The following STOML1 variants were observed in gnomAD, a reference collection of about 807,000 sequenced individuals.
The protein encoded by STOML1 is stomatin like 1.
In STOML1, 27 loss-of-function variants were observed where a neutral mutation model predicts 35.7. That is an observed-to-expected ratio of 0.76 (90% CI 0.56 to 1.04). The LOEUF (loss-of-function observed/expected upper bound fraction) is 1.04, where lower values mean the gene tolerates loss of function less well. Among genes scored for constraint, STOML1 ranks in the 50% least tolerant of loss-of-function variants. The probability of loss-of-function intolerance (pLI) is 0.00; values close to 1 mark genes in which losing one functional copy is unlikely to be tolerated. For missense variants in STOML1, 451 were observed against 527.1 expected, an observed-to-expected ratio of 0.86 and a Z score of 1.41; for synonymous variants, 219 against 227.9, an observed-to-expected ratio of 0.96 and a Z score of 0.35.
chr15:73,983,810 T>C lies in STOML1; in HGVS notation c.*127A>G. Reference sequence around the variant, plus strand: ...TCCTGCAGCCTCCATTCATGGGCTCTTGGCTGGGCCTGAAATTTGTTAGGG... The same window carrying C: ...TCCTGCAGCCTCCATTCATGGGCTCCTGGCTGGGCCTGAAATTTGTTAGGG... On this transcript the variant is annotated 3_prime_UTR_variant, in exon 7 of 7. Transcript: ENST00000541638. 8.8e-7 allele frequency: 1 copy of C among 1,135,776 alleles called. No individual in the cohort carries two copies. The highest frequency in any genetic ancestry group is 1.2e-6 in the Non-Finnish European group (1 of 814,020). 70.4% of individuals were successfully genotyped at this position (1,135,776 alleles called of 1,614,324 possible).
At chr15:73,985,201 T>G in intron 5 of STOML1, 117 bp downstream of exon 5, 2 of 1,246,406 alleles carry the variant, frequency 1.6e-6, no homozygotes, top group Non-Finnish European at 2.2e-6. Flanking sequence ...CTGTGGTCAG[T>G]GTGGGCTGAA....
Position 73,984,018 on chromosome 15 carries a change from G to A in STOML1, c.1116C>T (p.Ala372=). ...LLCRELRPLG[A]YMSGRLKVKG... ...TCACCTTCAGCCGTCCACTCATGTA[G>A]GCCCCCAGGGGCCGCAGCTCTCTGC... The change falls in exon 7 of 7, where the codon GCC becomes GCT. Residue 372 remains alanine, a synonymous_variant. Coordinates refer to ENST00000541638, the MANE Select transcript of STOML1 (RefSeq NM_004809.5). 6.2e-7 allele frequency: 1 copy of A among 1,614,066 alleles called. No individual in the cohort carries two copies. Among genetic ancestry groups the A allele is most frequent in the East Asian group, 2.2e-5 (1 of 44,884 alleles).
chr15:73,993,231 G>T (rs2069340598), upstream of STOML1, among the ~76,000 whole-genome samples: 3 of 152,314 alleles, frequency 2.0e-5, no homozygotes, highest in South Asian at 6.2e-4. Context: ...CTTGATCCAG[G>T]TACCTGGAAT....
At chr15:73,990,178 A>G in intron 2 of STOML1, 173 bp downstream of exon 2, 1 of 632,882 alleles carries the variant, frequency 1.6e-6, no homozygotes, top group Non-Finnish European at 2.8e-6. Flanking sequence ...AGACAAGCCC[A>G]AGCCTTAGTT....
intron 1 of STOML1, chr15:73,990,719 C>A: frequency 7.7e-7 from 1 of 1,305,112 alleles, no homozygotes; most frequent in Non-Finnish European, 1.1e-6. Context: ...AGGCAACAGC[C>A]ATTCAATCTC....
At position 73,982,022 on chromosome 15, in the gene STOML1, T is replaced by G. The variant is rs1039523857; in HGVS notation, c.*1915A>C. 1 of 152,318 alleles carries G rather than the reference T, an allele frequency of 6.6e-6. No homozygotes were observed. The highest frequency in any genetic ancestry group is 1.5e-5 in the Non-Finnish European group (1 of 68,104). The allele number at this position is 152,318 out of a possible 1,614,324, so 9.4% of individuals were successfully genotyped here. On this transcript the variant is annotated 3_prime_UTR_variant, in exon 7 of 7. Coordinates refer to ENST00000541638, the MANE Select transcript of STOML1 (RefSeq NM_004809.5). ...CCCTAAGTTGTGATCTCATTTTTCC[T>G]GTCTTCCCTACCCTCCAGCCCTACC... is the stretch of plus-strand genomic sequence containing the variant.
Position 73,992,263 on chromosome 15 carries a change from G to C in STOML1, c.-40C>G. The stretch of plus-strand genomic sequence containing the variant: ...GACACGCCCCGCGCCTCCGCGCGGC[G>C]CCCTCCCTGGCCAGTGGGCCCTACG... On this transcript the variant is annotated 5_prime_UTR_variant, in exon 1 of 7. Transcript: ENST00000541638. 1.3e-6 allele frequency: 2 copies of C among 1,564,420 alleles called. No homozygotes were observed. The highest frequency in any genetic ancestry group is 1.7e-6 in the Non-Finnish European group (2 of 1,161,482).
upstream of STOML1, among the ~76,000 whole-genome samples, chr15:73,993,774 CT>C (rs985816144): frequency 5.9e-5 from 9 of 152,202 alleles, no homozygotes; most frequent in African/African-American, 1.9e-4. Context: ...AACTGTGCCC[CT>C]TTCCCCTTAC....
intron 1 of STOML1, 63 bp downstream of exon 1, chr15:73,992,028 G>C: frequency 6.7e-7 from 1 of 1,489,966 alleles, no homozygotes; most frequent in Admixed American, 2.5e-5. Context: ...CGGAGGCAGA[G>C]ATTCGGGCCT....
intron 2 of STOML1, 38 bp downstream of exon 2, chr15:73,990,313 G>C (rs1182941832): frequency 5.0e-6 from 8 of 1,592,546 alleles, no homozygotes; most frequent in Non-Finnish European, 6.9e-6. Context: ...CTCTCAGTGT[G>C]GCCCAACCAC....
chr15:73,985,375 G>A lies in STOML1; in HGVS notation c.733C>T (p.His245Tyr). The change falls in exon 5 of 7, where the codon CAC (histidine) becomes TAC (tyrosine). Residue 245 changes from histidine (H) to tyrosine (Y), a missense_variant. By Grantham distance (83) the His-to-Tyr change is moderately conservative (BLOSUM62 2). Transcript: ENST00000541638. ...LDSTLQQLAL[H>Y]FLGGSMNSMA... ...GAGTTCATGCTTCCTCCCAGGAAGT[G>A]CAGGGCCAGCTGCTGGAGGGTGCTG... The A allele has an allele frequency of 6.4e-7, 1 of 1,559,578 alleles. No individual in the cohort carries two copies. Among genetic ancestry groups the A allele is most frequent in the African/African-American group, 1.4e-5 (1 of 71,702 alleles).
Position 73,985,490 on chromosome 15 carries a change from C to G in STOML1, c.618G>C (p.Arg206Ser), listed in dbSNP as rs747887391. 2.6e-6 allele frequency: 4 copies of G among 1,543,078 alleles called. No homozygotes were observed. In the South Asian group the frequency reaches 3.6e-5, roughly 14 times the overall value. ...QLLLEINDVT[R>S]AWGLEVDRVE... ...CGCGGTCTACCTCCAGCCCCCAGGC[C>G]CTGGTCACATCGTTGATCTCCAGCT... is the stretch of plus-strand genomic sequence containing the variant. Residue 206 changes from arginine (R) to serine (S), a missense_variant, in exon 5 of 7, where the codon AGG becomes AGC. Physicochemically the swap from Arg to Ser is moderately radical, Grantham distance 110 (BLOSUM62 -1). Coordinates refer to ENST00000541638, the MANE Select transcript of STOML1 (RefSeq NM_004809.5).
rs554691276 is a variant in STOML1, at chr15:73,992,023, G to A, written c.133+68C>T. 6.7e-6 allele frequency: 10 copies of A among 1,481,748 alleles called. No homozygotes were observed. The East Asian group carries it at 2.6e-4, about 38-fold the overall frequency. 91.8% of individuals were successfully genotyped at this position (1,481,748 alleles called of 1,614,324 possible). A position where few individuals can be genotyped will look rare whatever the true frequency, so the allele number is the denominator to read the frequency against. On this transcript the variant is annotated intron_variant, in intron 1 of 6. Coordinates refer to ENST00000541638, the MANE Select transcript of STOML1 (RefSeq NM_004809.5). ...CACCGGGCCGGCCGACTCCTCGGAG[G>A]CAGAGATTCGGGCCTGGGGGTTGCC... is the stretch of plus-strand genomic sequence containing the variant.
chr15:73,985,526 G>A lies in STOML1; in HGVS notation c.595-13C>T. 1 of 1,537,570 alleles carries A rather than the reference G, an allele frequency of 6.5e-7. No homozygotes were observed. The highest frequency in any genetic ancestry group is 8.8e-7 in the Non-Finnish European group (1 of 1,142,056). ...CGTTGATCTCCAGCTGGAGGACAGT[G>A]TGAGGAGAAATGTAATTAATTCAAC... On this transcript the variant is annotated splice_polypyrimidine_tract_variant and intron_variant, in intron 4 of 6. Transcript: ENST00000541638.
In STOML1 at chr15:73,979,072, G is replaced by A. The variant is rs1357508264; in HGVS notation, c.*4865C>T. On this transcript the variant is annotated 3_prime_UTR_variant, in exon 7 of 7. Coordinates refer to ENST00000541638, the MANE Select transcript of STOML1 (RefSeq NM_004809.5). Reference sequence around the variant, plus strand: ...AAACTACAGATACACAGAATAACATGTATTACTCTCAAAACCATTACAGTG... The same window carrying A: ...AAACTACAGATACACAGAATAACATATATTACTCTCAAAACCATTACAGTG... 1 of 152,138 alleles carries A rather than the reference G, an allele frequency of 6.6e-6. No individual in the cohort carries two copies. The highest frequency in any genetic ancestry group is 1.9e-4 in the East Asian group (1 of 5,198). 9.4% of individuals were successfully genotyped at this position (152,138 alleles called of 1,614,324 possible).
rs1391078623 is a variant in STOML1, at chr15:73,981,423, C to A, written c.*2514G>T. ...ATATATTAATATATTAACTAGGATA[C>A]TTAAACTATTATCATTATTCACCAG... On this transcript the variant is annotated 3_prime_UTR_variant, in exon 7 of 7. Coordinates refer to ENST00000541638, the MANE Select transcript of STOML1 (RefSeq NM_004809.5). 1.3e-5 allele frequency: 2 copies of A among 152,062 alleles called. No individual in the cohort carries two copies. The highest frequency in any genetic ancestry group is 2.9e-5 in the Non-Finnish European group (2 of 68,022). The allele number at this position is 152,062 out of a possible 1,614,324, so 9.4% of individuals were successfully genotyped here. A position where few individuals can be genotyped will look rare whatever the true frequency, so the allele number is the denominator to read the frequency against.
intron 1 of STOML1, chr15:73,991,851 T>G: frequency 1.6e-6 from 1 of 631,762 alleles, no homozygotes; most frequent in Non-Finnish European, 2.7e-6. Flanking sequence ...AGGTGAGGTT[T>G]TGGAAGATAG....
rs1427251212 is a variant in STOML1, at chr15:73,983,559, A to G, written c.*378T>C. ...CCGCAGAGCTTAGAGCCTGGGCCAC[A>G]TGCTTGGTCCCTCACACAAGGACCA... On this transcript the variant is annotated 3_prime_UTR_variant, in exon 7 of 7. Coordinates refer to ENST00000541638, the MANE Select transcript of STOML1 (RefSeq NM_004809.5). The G allele has an allele frequency of 5.6e-6, 1 of 178,624 alleles. No homozygotes were observed. The highest frequency in any genetic ancestry group is 2.4e-5 in the African/African-American group (1 of 42,380). The allele number at this position is 178,624 out of a possible 1,614,324, so 11.1% of individuals were successfully genotyped here.
rs778158442 is a variant in STOML1, at chr15:73,992,064, G to T, written c.133+27C>A. ...GGGGGTTGCCGGCCGGTCCCCCCCG[G>T]CTCCGCCGTGCCAGGCGGCCACTCA... On this transcript the variant is annotated intron_variant, in intron 1 of 6. Coordinates refer to ENST00000541638, the MANE Select transcript of STOML1 (RefSeq NM_004809.5). 5 of 1,548,230 alleles carry T rather than the reference G, an allele frequency of 3.2e-6. No homozygotes were observed. In the African/African-American group the frequency reaches 5.6e-5, roughly 17 times the overall value.
Sources: gnomAD v4.1 joint callset for allele counts (sites outside exome capture counted in the v4.1 genomes callset) on GRCh38, gnomAD v4.1.1 for gene constraint, MANE v1.5 for transcripts, NCBI Gene and HGNC (gene_info 2026-07-23, HGNC 2026-07-21) for gene names.